STX3: variants seen among roughly 807,000 people sequenced by gnomAD.
STX3 encodes syntaxin-3.
In STX3, 19 loss-of-function variants were observed where a neutral mutation model predicts 40.2. That is an observed-to-expected ratio of 0.47 (90% CI 0.33 to 0.69). The LOEUF (loss-of-function observed/expected upper bound fraction) is 0.69. STX3 is among the 30% of genes least tolerant of loss of function. STX3 has a pLI of 0.02. For missense variants in STX3, 364 were observed against 366.7 expected (o/e 0.99, Z 0.06); for synonymous variants, 122 against 132.2 (o/e 0.92, Z 0.53).
chr11:59,787,510 C>G (rs550766485), intron 3 of STX3, among the ~76,000 whole-genome samples: 20 of 152,162 alleles, frequency 1.3e-4, no homozygotes, highest in Non-Finnish European at 2.9e-4. Flanking sequence ...TGAATCCTAC[C>G]AGATCAAGTC....
At chr11:59,758,647 G>T (rs933296391) in intron 1 of STX3, among the ~76,000 whole-genome samples, 1 of 152,152 alleles carries the variant, frequency 6.6e-6, no homozygotes, top group Non-Finnish European at 1.5e-5. Flanking sequence ...CTTCCTGGTG[G>T]GCTCCCTCGA....
intron 8 of STX3, 33 bp downstream of exon 8, chr11:59,793,547 A>T (rs762280743): frequency 6.2e-7 from 1 of 1,600,356 alleles, no homozygotes; most frequent in Non-Finnish European, 8.5e-7. Flanking sequence ...GTGGGGAGGG[A>T]GGAGAGGAAA....
intron 9 of STX3, 39 bp from the exon 10 acceptor site, chr11:59,797,244 T>G: frequency 3.2e-6 from 5 of 1,549,182 alleles, no homozygotes; most frequent in East Asian, 2.2e-5. Flanking sequence ...TTTGGTTGTT[T>G]GTAATAATGA....
chr11:59,785,800 A>G (rs909940231), intron 2 of STX3, among the ~76,000 whole-genome samples: 1 of 152,184 alleles, frequency 6.6e-6, no homozygotes, highest in Non-Finnish European at 1.5e-5. Flanking sequence ...TCTGTTTGTC[A>G]ATTGTTGCAA....
chr11:59,788,997 A>C, intron 4 of STX3, 50 bp downstream of exon 4: 94 of 1,513,998 alleles, frequency 6.2e-5, no homozygotes, highest in Non-Finnish European at 8.0e-5. Flanking sequence ...CATCTATCTC[A>C]GCTCCCCTAG....
chr11:59,772,658 T>C (rs1440032556), intron 1 of STX3, among the ~76,000 whole-genome samples: 1 of 152,180 alleles, frequency 6.6e-6, no homozygotes, highest in Non-Finnish European at 1.5e-5. Context: ...ATAAGTTTGA[T>C]TCTACCTGTT....
chr11:59,758,956 A>G (rs1862882276), intron 1 of STX3, among the ~76,000 whole-genome samples: 1 of 152,208 alleles, frequency 6.6e-6, no homozygotes, highest in Non-Finnish European at 1.5e-5. Context: ...AGAAATAGAC[A>G]TGAGGATATC....
chr11:59,765,930 A>G (rs952588740), intron 1 of STX3, among the ~76,000 whole-genome samples: 3 of 152,226 alleles, frequency 2.0e-5, no homozygotes, highest in African/African-American at 7.2e-5. Context: ...ATAATTGTTT[A>G]AATTTGGAGA....
intron 1 of STX3, among the ~76,000 whole-genome samples, chr11:59,769,868 G>T (rs1863487566): frequency 1.3e-5 from 2 of 148,618 alleles, no homozygotes; most frequent in African/African-American, 4.9e-5. Flanking sequence ...GTGTTTGTGT[G>T]GGGGGGGAAG....
intron 2 of STX3, among the ~76,000 whole-genome samples, chr11:59,776,987 G>A (rs1590783376): frequency 1.3e-5 from 2 of 152,164 alleles, no homozygotes; most frequent in Admixed American, 6.5e-5. Context: ...TTCTGTATTC[G>A]TTTATCTATT....
chr11:59,797,340 A>ATT lies in STX3; in HGVS notation c.845_846dup (p.Gly283LeufsTer7). On this transcript the variant is annotated frameshift_variant, in exon 10 of 11. Transcript: ENST00000337979. LOFTEE classifies it high-confidence loss of function. ...GTTGCTGGGCATTTTAGCATTGATT[A>ATT]TTGGACTTTCCGTTGGGCTGAATTA... 1 of 1,614,122 alleles carries ATT rather than the reference A, an allele frequency of 6.2e-7. No individual in the cohort carries two copies. The highest frequency in any genetic ancestry group is 8.5e-7 in the Non-Finnish European group (1 of 1,180,014).
intron 10 of STX3, among the ~76,000 whole-genome samples, chr11:59,798,400 G>T (rs1590832827): frequency 6.6e-6 from 1 of 152,012 alleles, no homozygotes; most frequent in African/African-American, 2.4e-5. Context: ...TAGAGATGGG[G>T]TTTTGCCATG....
intron 1 of STX3, among the ~76,000 whole-genome samples, chr11:59,770,450 C>T (rs1863545854): frequency 6.6e-6 from 1 of 151,692 alleles, no homozygotes; most frequent in African/African-American, 2.4e-5. Flanking sequence ...AGGTCTGTCC[C>T]CTCAGTCATT....
intron 1 of STX3, among the ~76,000 whole-genome samples, chr11:59,758,118 T>C (rs973875144): frequency 6.6e-6 from 1 of 152,192 alleles, no homozygotes; most frequent in Non-Finnish European, 1.5e-5. Flanking sequence ...TGATTGACTT[T>C]GTTCTGGGTA....
intron 2 of STX3, among the ~76,000 whole-genome samples, chr11:59,773,977 CAAAAAAAAA>C: frequency 1.2e-5 from 1 of 81,248 alleles, no homozygotes; most frequent in East Asian, 3.9e-4. Context: ...CTCACACACA[CAAAAAAAAA>C]AAAAAAAAAA....
intron 2 of STX3, among the ~76,000 whole-genome samples, chr11:59,780,035 C>G (rs1483874456): frequency 1.3e-5 from 2 of 152,170 alleles, no homozygotes; most frequent in Non-Finnish European, 2.9e-5. Flanking sequence ...GAAGCCTTGC[C>G]AGTCATTTGC....
intron 1 of STX3, among the ~76,000 whole-genome samples, chr11:59,761,383 T>C (rs888276051): frequency 6.6e-6 from 1 of 152,236 alleles, no homozygotes; most frequent in Admixed American, 6.5e-5. Flanking sequence ...TGGTGGTGTA[T>C]ACAAATAGCC....
In STX3 at chr11:59,802,804, G is replaced by A; in HGVS notation, c.*1980G>A. Reference sequence around the variant, plus strand: ...TAGAATGCAGTTCACACCTTTTTAAGCCATGTGCTGGATCAGATGGTTCAA... The same window carrying A: ...TAGAATGCAGTTCACACCTTTTTAAACCATGTGCTGGATCAGATGGTTCAA... On this transcript the variant is annotated 3_prime_UTR_variant, in exon 11 of 11. Transcript: ENST00000337979. 3.0e-6 allele frequency: 3 copies of A among 987,798 alleles called. No individual in the cohort carries two copies. The highest frequency in any genetic ancestry group is 3.6e-6 in the Non-Finnish European group (3 of 831,602). The allele number at this position is 987,798 out of a possible 1,614,324, so 61.2% of individuals were successfully genotyped here.
chr11:59,802,575 A>G lies in STX3; in HGVS notation c.*1751A>G. The stretch of plus-strand genomic sequence containing the variant: ...CTAAAGGCCTTTGCTCTCCTCTGAC[A>G]TTGAGGCCTGGGGCTTACAGTTTGG... On this transcript the variant is annotated 3_prime_UTR_variant, in exon 11 of 11. Transcript: ENST00000337979. The G allele has an allele frequency of 1.0e-6, 1 of 985,898 alleles. No individual in the cohort carries two copies. The highest frequency in any genetic ancestry group is 1.2e-6 in the Non-Finnish European group (1 of 829,942). The allele number at this position is 985,898 out of a possible 1,614,324, so 61.1% of individuals were successfully genotyped here.
Sources: allele counts gnomAD v4.1 joint callset (sites outside exome capture counted in the v4.1 genomes callset), GRCh38; gene constraint gnomAD v4.1.1; transcripts MANE v1.5; gene names NCBI Gene and HGNC (gene_info 2026-07-23, HGNC 2026-07-21).